PAPOLA: variants seen among roughly 807,000 people sequenced by gnomAD.
The protein encoded by PAPOLA is poly(A) polymerase alpha, also known as polynucleotide adenylyltransferase alpha.
In PAPOLA, 15 loss-of-function variants were observed where a neutral mutation model predicts 100.6. The observed-to-expected ratio is 0.15, with a 90% CI of 0.10 to 0.23. The LOEUF is 0.23. PAPOLA is among the 10% of genes least tolerant of loss of function. The pLI, the probability that PAPOLA is intolerant of heterozygous loss-of-function variation, is 1.00. For synonymous variants in PAPOLA, 293 were observed against 300.0 expected (o/e 0.98, Z 0.24); for missense variants, 533 against 884.2 (o/e 0.60, Z 5.04).
At chr14:96,505,167 A>G (rs1229811227) in intron 1 of PAPOLA, among the ~76,000 whole-genome samples, 2 of 152,210 alleles carry the variant, frequency 1.3e-5, no homozygotes, top group Non-Finnish European at 2.9e-5. Flanking sequence ...CATTATTGAC[A>G]TTTATGCCAG....
At chr14:96,513,811 T>C (rs1897256074) in intron 1 of PAPOLA, among the ~76,000 whole-genome samples, 1 of 152,258 alleles carries the variant, frequency 6.6e-6, no homozygotes, top group Non-Finnish European at 1.5e-5. Context: ...ATGTATTTTC[T>C]CCTTTTATCA....
At chr14:96,540,517 A>G (rs1595538559) in intron 12 of PAPOLA, among the ~76,000 whole-genome samples, 1 of 149,852 alleles carries the variant, frequency 6.7e-6, no homozygotes, top group South Asian at 2.1e-4. Flanking sequence ...AGCATTTGGA[A>G]CTCCGAGTAT....
At chr14:96,519,935 A>G (rs552176845) in intron 1 of PAPOLA, 120 bp from the exon 2 acceptor site, 1 of 770,914 alleles carries the variant, frequency 1.3e-6, no homozygotes. Context: ...TTTTGGGGGT[A>G]TTGCAGGGAA....
Position 96,534,549 on chromosome 14 carries a change from G to A in PAPOLA, c.895G>A (p.Val299Ile). 6.2e-7 allele frequency: 1 copy of A among 1,613,896 alleles called. No homozygotes were observed. The highest frequency in any genetic ancestry group is 8.5e-7 in the Non-Finnish European group (1 of 1,179,854). ...TGAAGAATGCAATCTTAATTTGCCT[G>A]TATGGGACCCAAGGGTTAGTGTATT... ...QPEECNLNLP[V>I]WDPRVNPSDR... Residue 299 changes from valine to isoleucine, a missense_variant, in exon 10 of 22, where the codon GTA (valine) becomes ATA (isoleucine). Around this residue, in one of 9 missense-constraint regions of PAPOLA, gnomAD observed 87 missense variants for 173.3 expected, o/e 0.50. Coordinates refer to ENST00000216277, the MANE Select transcript of PAPOLA (RefSeq NM_032632.5).
chr14:96,521,626 G>C (rs1319744249), intron 3 of PAPOLA, among the ~76,000 whole-genome samples: 1 of 151,920 alleles, frequency 6.6e-6, no homozygotes, highest in African/African-American at 2.4e-5. Flanking sequence ...AAGTAGCTAG[G>C]ACTATAGGCA....
At position 96,533,927 on chromosome 14, in the gene PAPOLA, G is replaced by A. The variant is rs1032783150; in HGVS notation, c.837-564G>A. The A allele has an allele frequency of 5.1e-6, 5 of 984,986 alleles. No individual in the cohort carries two copies. In the African/African-American group the frequency reaches 8.7e-5, roughly 17 times the overall value. The allele number at this position is 984,986 out of a possible 1,614,324, so 61.0% of individuals were successfully genotyped here. ...AGAAGCTAACCTTGATGTTAAGAGTGGCAGGTGTTCTCCAGTTTTTACCTC... is the reference window on the plus strand; with the variant it reads ...AGAAGCTAACCTTGATGTTAAGAGTAGCAGGTGTTCTCCAGTTTTTACCTC... On this transcript the variant is annotated intron_variant, in intron 9 of 21. Transcript: ENST00000216277.
rs759822663 is a variant in PAPOLA at position 96,552,501 on chromosome 14, T to C, written c.1543T>C (p.Leu515=). 20 of 1,613,640 alleles carry C rather than the reference T, an allele frequency of 1.2e-5. No individual in the cohort carries two copies. The Admixed American group carries it at 2.3e-4, about 19-fold the overall frequency. Residue 515 remains leucine, a synonymous_variant, in exon 17 of 22, where the codon TTG becomes CTG. Transcript: ENST00000216277. ...KKKHSTEGVK[L]TALNDSSLDL... ...GCAGCATTCAACAGAAGGTGTCAAATTGACAGCTCTCAATGACAGCAGCCT... is the reference window on the plus strand; with the variant it reads ...GCAGCATTCAACAGAAGGTGTCAAACTGACAGCTCTCAATGACAGCAGCCT...
chr14:96,564,495 T>G (rs1045455372), intron 21 of PAPOLA, among the ~76,000 whole-genome samples: 3 of 152,116 alleles, frequency 2.0e-5, no homozygotes, highest in Admixed American at 1.3e-4. Flanking sequence ...TAGCTGTATA[T>G]ATTTGTTTAA....
intron 16 of PAPOLA, 108 bp from the exon 17 acceptor site, chr14:96,552,372 T>C (rs1900912367): frequency 2.0e-6 from 2 of 1,007,722 alleles, no homozygotes; most frequent in Non-Finnish European, 2.9e-6. Flanking sequence ...GTAGATTTAG[T>C]GATCTGTGCT....
At chr14:96,526,833 A>G (rs78475993) in intron 4 of PAPOLA, 8,353 of 152,648 alleles carry the variant, frequency 0.055, 227 homozygotes, top group Admixed American at 0.057. Flanking sequence ...TCTTTTAGGA[A>G]AATGACTGTT....
At chr14:96,524,186 G>A (rs1898260259) in intron 3 of PAPOLA, among the ~76,000 whole-genome samples, 2 of 152,002 alleles carry the variant, frequency 1.3e-5, no homozygotes, top group African/African-American at 4.8e-5. Context: ...TAGGTAAAAG[G>A]AAATATTGAC....
At chr14:96,526,258 A>C (rs1447628691) in intron 4 of PAPOLA, 1 of 152,230 alleles carries the variant, frequency 6.6e-6, no homozygotes, top group Non-Finnish European at 1.5e-5. Flanking sequence ...AACAAACAGG[A>C]GCCTGAGACT....
rs746925397 is a variant in PAPOLA, at chr14:96,520,273, A to G, written c.182+45A>G. On this transcript the variant is annotated intron_variant, in intron 2 of 21. Coordinates refer to ENST00000216277, the MANE Select transcript of PAPOLA (RefSeq NM_032632.5). ...TTTTTTAACTCGGAAACTTTTATTAATGTTGACATAAACTAATTTTGAGGC... is the reference window on the plus strand; with the variant it reads ...TTTTTTAACTCGGAAACTTTTATTAGTGTTGACATAAACTAATTTTGAGGC... 21 of 1,471,130 alleles carry G rather than the reference A, an allele frequency of 1.4e-5. No homozygotes were observed. The East Asian group carries it at 4.8e-4, about 34-fold the overall frequency. 91.1% of individuals were successfully genotyped at this position (1,471,130 alleles called of 1,614,324 possible). A position where few individuals can be genotyped will look rare whatever the true frequency, so the allele number is the denominator to read the frequency against.
At chr14:96,509,965 C>CTTTTTTTTTTTTTTTTTTT (rs11372552) in intron 1 of PAPOLA, among the ~76,000 whole-genome samples, 1 of 84,426 alleles carries the variant, frequency 1.2e-5, no homozygotes, top group African/African-American at 4.6e-5. Context: ...GTGGGAGTTG[C>CTTTTTTTTTTTTTTTTTTT]TTTTTTTTTT....
At chr14:96,508,428 T>C (rs1346050765) in intron 1 of PAPOLA, among the ~76,000 whole-genome samples, 3 of 152,196 alleles carry the variant, frequency 2.0e-5, no homozygotes, top group African/African-American at 7.2e-5. Flanking sequence ...AAACATGTTT[T>C]CAGTCCATAT....
intron 16 of PAPOLA, among the ~76,000 whole-genome samples, chr14:96,549,207 G>T (rs947528740): frequency 1.3e-5 from 2 of 151,638 alleles, no homozygotes; most frequent in African/African-American, 4.8e-5. Context: ...ATGGGGAGGG[G>T]TCTAAAATCA....
chr14:96,563,409 A>C (rs1373167583), intron 21 of PAPOLA, among the ~76,000 whole-genome samples: 2 of 152,320 alleles, frequency 1.3e-5, no homozygotes, highest in East Asian at 3.9e-4. Flanking sequence ...CACATACAGA[A>C]TACAGTAGGC....
intron 21 of PAPOLA, 90 bp downstream of exon 21, chr14:96,562,983 A>G (rs1901988123): frequency 5.4e-6 from 4 of 735,190 alleles, no homozygotes; most frequent in South Asian, 3.3e-5. Flanking sequence ...ATAGAAGACT[A>G]TTAAAATTAA....
intron 11 of PAPOLA, among the ~76,000 whole-genome samples, chr14:96,536,536 T>G (rs1899546825): frequency 6.6e-6 from 1 of 152,116 alleles, no homozygotes; most frequent in Non-Finnish European, 1.5e-5. Context: ...CTACTAGCTT[T>G]AAATTTAGAC....
Sources: gnomAD v4.1 joint callset for allele counts (sites outside exome capture counted in the v4.1 genomes callset) on GRCh38, gnomAD v4.1.1 for gene constraint, gnomAD v4.1.1 regional missense constraint, MANE v1.5 for transcripts, NCBI Gene and HGNC (gene_info 2026-07-23, HGNC 2026-07-21) for gene names.